The following FAM13C variants were observed in gnomAD, a reference collection of about 807,000 sequenced individuals.
The protein encoded by FAM13C is protein FAM13C.
A neutral mutation model predicts 73.2 loss-of-function variants in FAM13C; 37 were observed. That is an observed-to-expected ratio of 0.51 (90% CI 0.39 to 0.67). The LOEUF (loss-of-function observed/expected upper bound fraction) is 0.67, where lower values mean the gene tolerates loss of function less well. FAM13C is among the 30% of genes least tolerant of loss of function. FAM13C has a pLI of 0.00. For synonymous variants in FAM13C, 246 were observed against 260.9 expected (o/e 0.94, Z 0.55); for missense variants, 589 against 715.6 (o/e 0.82, Z 2.02).
chr10:59,315,445 G>GT (rs1265873525), intron 4 of FAM13C, among the ~76,000 whole-genome samples: 10 of 148,284 alleles, frequency 6.7e-5, no homozygotes, highest in African/African-American at 1.0e-4. Context: ...AATTTAGTGG[G>GT]GTTTTTTTTG....
At chr10:59,270,474 A>G (rs113283470) in intron 6 of FAM13C, among the ~76,000 whole-genome samples, 11 of 152,310 alleles carry the variant, frequency 7.2e-5, no homozygotes, top group African/African-American at 2.6e-4. Context: ...GCTGGAGCAA[A>G]AGACTATAGA....
At chr10:59,276,812 G>A (rs181615581) in intron 6 of FAM13C, among the ~76,000 whole-genome samples, 7 of 152,278 alleles carry the variant, frequency 4.6e-5, no homozygotes, top group Admixed American at 4.6e-4. Flanking sequence ...GCCAAAGATT[G>A]TTTTAAAACA....
chr10:59,252,936 A>G lies in FAM13C; in HGVS notation c.1395T>C (p.Asp465=), dbSNP rs767997755. 1.9e-6 allele frequency: 3 copies of G among 1,614,128 alleles called. No individual in the cohort carries two copies. In the Admixed American group the frequency reaches 5.0e-5, roughly 27 times the overall value. The change falls in exon 12 of 14, where the codon GAT becomes GAC. Residue 465 remains aspartate, a synonymous_variant. Transcript: ENST00000618804. ...PQGSQQPSLA[D]PASHLPVGDH... ...CACCAACAGGAAGGTGAGATGCTGG[A>G]TCTGCCAAAGAAGGTTGTTGGCTTC...
intron 1 of FAM13C, among the ~76,000 whole-genome samples, chr10:59,356,584 C>T (rs1398054527): frequency 6.6e-6 from 1 of 152,108 alleles, no homozygotes; most frequent in Non-Finnish European, 1.5e-5. Context: ...CCCATTCAAG[C>T]CTGGAATACT....
At chr10:59,348,127 T>A (rs1441228692) in intron 3 of FAM13C, among the ~76,000 whole-genome samples, 1 of 152,218 alleles carries the variant, frequency 6.6e-6, no homozygotes, top group Non-Finnish European at 1.5e-5. Flanking sequence ...TAGCGCAATA[T>A]CTATGATGGT....
chr10:59,254,992 G>A (rs1206618085), intron 10 of FAM13C, among the ~76,000 whole-genome samples: 1 of 152,094 alleles, frequency 6.6e-6, no homozygotes, highest in African/African-American at 2.4e-5. Flanking sequence ...GATTTTTGGA[G>A]GAGTCTGAAA....
intron 4 of FAM13C, among the ~76,000 whole-genome samples, chr10:59,308,763 T>C (rs1848582328): frequency 6.6e-6 from 1 of 152,250 alleles, no homozygotes; most frequent in Non-Finnish European, 1.5e-5. Flanking sequence ...AGCCTATGAC[T>C]ACAAACTTGT....
intron 1 of FAM13C, among the ~76,000 whole-genome samples, chr10:59,360,477 C>G (rs1809966824): frequency 6.6e-6 from 1 of 152,100 alleles, no homozygotes; most frequent in African/African-American, 2.4e-5. Context: ...CAAACATTTC[C>G]TGAGAACCTG....
At chr10:59,360,531 A>G (rs1481103498) in intron 1 of FAM13C, among the ~76,000 whole-genome samples, 1 of 152,144 alleles carries the variant, frequency 6.6e-6, no homozygotes, top group African/African-American at 2.4e-5. Context: ...CCTGAGGGCT[A>G]TGGGGTCATG....
chr10:59,248,392 G>A (rs892871659), intron 13 of FAM13C, among the ~76,000 whole-genome samples: 1 of 152,144 alleles, frequency 6.6e-6, no homozygotes, highest in African/African-American at 2.4e-5. Flanking sequence ...ACAATGCATA[G>A]ATTTTTATAC....
At chr10:59,338,962 A>G (rs1853126617) in intron 3 of FAM13C, among the ~76,000 whole-genome samples, 1 of 152,216 alleles carries the variant, frequency 6.6e-6, no homozygotes, top group Non-Finnish European at 1.5e-5. Flanking sequence ...GGAGGCCAGA[A>G]GTCCAAAATC....
At chr10:59,338,537 C>T (rs1014743176) in intron 3 of FAM13C, among the ~76,000 whole-genome samples, 3 of 152,222 alleles carry the variant, frequency 2.0e-5, no homozygotes, top group Non-Finnish European at 4.4e-5. Context: ...AAAGCGTCAA[C>T]TACATTTATG....
At chr10:59,270,135 G>T in intron 6 of FAM13C, 26 bp from the exon 7 acceptor site, 2 of 1,603,112 alleles carry the variant, frequency 1.2e-6, no homozygotes, top group South Asian at 2.2e-5. Flanking sequence ...AAATCATCAA[G>T]ACTTAGAAGT....
intron 5 of FAM13C, among the ~76,000 whole-genome samples, chr10:59,285,506 T>C (rs1845447937): frequency 6.6e-6 from 1 of 152,152 alleles, no homozygotes; most frequent in South Asian, 2.1e-4. Context: ...GAATGCAAAA[T>C]GGTGCTGCCA....
At chr10:59,344,370 C>G (rs867054700) in intron 3 of FAM13C, among the ~76,000 whole-genome samples, 7 of 151,680 alleles carry the variant, frequency 4.6e-5, no homozygotes, top group African/African-American at 1.7e-4. Context: ...GTTCCGCCCC[C>G]CAGGTTCACG....
chr10:59,354,053 G>T (rs1312965082), intron 2 of FAM13C, among the ~76,000 whole-genome samples: 1 of 151,892 alleles, frequency 6.6e-6, no homozygotes, highest in Non-Finnish European at 1.5e-5. Context: ...AGAAACAAAA[G>T]AAAGAACAGC....
intron 6 of FAM13C, among the ~76,000 whole-genome samples, chr10:59,275,466 C>A (rs888845246): frequency 9.9e-5 from 15 of 152,166 alleles, no homozygotes; most frequent in African/African-American, 2.9e-4. Context: ...TCCAGGCACT[C>A]TTTCTATGCA....
intron 3 of FAM13C, among the ~76,000 whole-genome samples, chr10:59,324,501 C>T (rs1421537243): frequency 1.3e-5 from 2 of 151,792 alleles, no homozygotes; most frequent in Non-Finnish European, 2.9e-5. Context: ...TGAATGTTCA[C>T]ACATACTCAC....
chr10:59,309,253 C>T (rs1848651881), intron 4 of FAM13C, among the ~76,000 whole-genome samples: 1 of 152,126 alleles, frequency 6.6e-6, no homozygotes, highest in East Asian at 1.9e-4. Context: ...CCATCTGGGG[C>T]CAAGCCACCA....
Sources: allele counts gnomAD v4.1 joint callset (sites outside exome capture counted in the v4.1 genomes callset), GRCh38; gene constraint gnomAD v4.1.1; transcripts MANE v1.5; gene names NCBI Gene and HGNC (gene_info 2026-07-23, HGNC 2026-07-21).